Variants in PTPRG observed in about 807,000 individuals in gnomAD.
PTPRG encodes the protein protein tyrosine phosphatase receptor type G, also known as receptor-type tyrosine-protein phosphatase gamma.
PTPRG carries 102 observed loss-of-function variants against 165.3 expected under a neutral mutation model. That is an observed-to-expected ratio of 0.62 (90% CI 0.53 to 0.73). PTPRG has a LOEUF of 0.73. Among genes scored for constraint, PTPRG ranks in the 30% least tolerant of loss-of-function variants. PTPRG has a pLI of 0.00. For missense variants in PTPRG, 1,866 were observed against 1,861.4 expected (o/e 1.00, Z -0.05); for synonymous variants, 675 against 669.5 (o/e 1.01, Z -0.13).
intron 1 of PTPRG, among the ~76,000 whole-genome samples, chr3:61,704,884 C>T (rs914886104): frequency 8.5e-5 from 13 of 152,206 alleles, no homozygotes; most frequent in African/African-American, 2.9e-4. Flanking sequence ...TTCTGCCTGG[C>T]CCCCGCCCCT....
rs1402173985 is a variant in PTPRG, at chr3:62,210,434, A to G, written c.2155+6484A>G. Among the ~76,000 whole-genome samples the G allele has an allele frequency of 6.6e-6, 1 of 152,194 alleles. No individual in the cohort carries two copies. The highest frequency in any genetic ancestry group is 1.5e-5 in the Non-Finnish European group (1 of 68,038). On this transcript the variant is annotated intron_variant, in intron 12 of 29. Coordinates refer to ENST00000474889, the MANE Select transcript of PTPRG (RefSeq NM_002841.4). This position sits in a 1 kb window ranked among gnomAD's most constrained non-coding sequence, Gnocchi z 4.1. The stretch of plus-strand genomic sequence containing the variant: ...AAATATAGAAAATAAATGTTGGCAG[A>G]AATGTGGAAAGAAGGGAACCCTTTG...
chr3:61,904,682 T>C (rs2038596078), intron 2 of PTPRG, among the ~76,000 whole-genome samples: 1 of 152,190 alleles, frequency 6.6e-6, no homozygotes, highest in Non-Finnish European at 1.5e-5. Flanking sequence ...TAATGTAGTC[T>C]TTCTAAAATG....
chr3:62,150,174 C>T lies in PTPRG; in HGVS notation c.683-6893C>T, dbSNP rs116409448. Among the ~76,000 whole-genome samples the T allele has an allele frequency of 5.5e-3, 837 of 152,330 alleles. 5 individuals carry two copies. Among genetic ancestry groups the T allele is most frequent in the African/African-American group, 0.019 (795 of 41,584 alleles). On this transcript the variant is annotated intron_variant, in intron 6 of 29. Transcript: ENST00000474889. ...ACTAAGTTTGCTAACAGCTGCAGAA[C>T]ATTTGGTCCCAAAGCAGCCGTGAAT...
chr3:61,907,201 A>G (rs772711473), intron 2 of PTPRG, among the ~76,000 whole-genome samples: 2 of 151,870 alleles, frequency 1.3e-5, no homozygotes, highest in African/African-American at 4.8e-5. Flanking sequence ...TATGATAACT[A>G]CTGGCCTGGT....
intron 2 of PTPRG, among the ~76,000 whole-genome samples, chr3:61,840,395 T>C (rs1347254700): frequency 6.6e-6 from 1 of 152,204 alleles, no homozygotes. Flanking sequence ...AAGTAAATGC[T>C]TTATATGTTG....
intron 5 of PTPRG, 95 bp from the exon 6 acceptor site, chr3:62,132,507 A>T: frequency 2.0e-6 from 2 of 1,000,772 alleles, no homozygotes; most frequent in Non-Finnish European, 3.2e-6. Context: ...GCTAGATAAC[A>T]TTCTATTCTC....
chr3:61,983,459 A>C (rs550175348), intron 2 of PTPRG, among the ~76,000 whole-genome samples: 1 of 152,266 alleles, frequency 6.6e-6, no homozygotes, highest in Non-Finnish European at 1.5e-5. Context: ...TAATAAGCAT[A>C]TTTGACTAGA....
chr3:62,154,401 CTCTGAAGCCCTGGTGT>C (rs1378319302), intron 6 of PTPRG, among the ~76,000 whole-genome samples: 2 of 152,306 alleles, frequency 1.3e-5, no homozygotes, highest in East Asian at 3.9e-4. Flanking sequence ...CAGAGCTTGC[CTCTGAAGCCCTGGTGT>C]TGGTCAAGAA....
chr3:61,605,189 G>A (rs1331679070), intron 1 of PTPRG, among the ~76,000 whole-genome samples: 1 of 152,146 alleles, frequency 6.6e-6, no homozygotes, highest in Non-Finnish European at 1.5e-5. Context: ...GAACCCTAAC[G>A]ATGTGCTGAG....
At chr3:62,017,029 C>T (rs1575892337) in intron 4 of PTPRG, among the ~76,000 whole-genome samples, 1 of 152,150 alleles carries the variant, frequency 6.6e-6, no homozygotes, top group Non-Finnish European at 1.5e-5. Flanking sequence ...CCCTCCCCCT[C>T]CCTCACCCCC....
intron 1 of PTPRG, among the ~76,000 whole-genome samples, chr3:61,745,485 C>T (rs60489463): frequency 1.2e-3 from 186 of 152,302 alleles, no homozygotes; most frequent in African/African-American, 4.3e-3. Flanking sequence ...GCAGCATGTA[C>T]TTTAGAAGCC....
intron 2 of PTPRG, among the ~76,000 whole-genome samples, chr3:61,821,420 C>T (rs867422416): frequency 6.6e-6 from 1 of 152,204 alleles, no homozygotes; most frequent in Non-Finnish European, 1.5e-5. Context: ...CCACCCGCCT[C>T]GGCCTCCCAA....
At chr3:61,777,437 T>G (rs1222918458) in intron 2 of PTPRG, among the ~76,000 whole-genome samples, 1 of 152,220 alleles carries the variant, frequency 6.6e-6, no homozygotes, top group Non-Finnish European at 1.5e-5. Flanking sequence ...GCAATCTTTA[T>G]TAAGCACCTA....
At chr3:61,774,259 T>A (rs994804132) in intron 2 of PTPRG, among the ~76,000 whole-genome samples, 7 of 152,160 alleles carry the variant, frequency 4.6e-5, no homozygotes, top group Non-Finnish European at 1.0e-4. Flanking sequence ...TGGGAGACAT[T>A]CATGCTACTC....
intron 2 of PTPRG, among the ~76,000 whole-genome samples, chr3:61,982,683 C>A (rs932792821): frequency 1.3e-5 from 2 of 152,090 alleles, no homozygotes; most frequent in African/African-American, 4.8e-5. Context: ...CTTTTTAATA[C>A]CCTCCTTTTC....
At chr3:61,594,919 T>C (rs6789638) in intron 1 of PTPRG, among the ~76,000 whole-genome samples, 149,609 of 152,320 alleles carry the variant, frequency 0.98, 73,536 homozygotes, top group South Asian at 1. Context: ...AGTCTGAAAT[T>C]GACAGGGAAT....
At chr3:61,745,166 T>C (rs1479325109) in intron 1 of PTPRG, among the ~76,000 whole-genome samples, 1 of 150,538 alleles carries the variant, frequency 6.6e-6, no homozygotes, top group Admixed American at 6.7e-5. Flanking sequence ...TTCTCCTGCC[T>C]CAGCCTCCCG....
At chr3:61,761,051 C>T (rs372914919) in intron 2 of PTPRG, among the ~76,000 whole-genome samples, 7 of 152,196 alleles carry the variant, frequency 4.6e-5, no homozygotes, top group South Asian at 2.1e-4. Context: ...CACAGTGCTG[C>T]GATGAACATA....
intron 2 of PTPRG, among the ~76,000 whole-genome samples, chr3:61,880,557 G>C (rs189355136): frequency 9.7e-4 from 142 of 146,414 alleles, no homozygotes; most frequent in African/African-American, 3.4e-3. Context: ...TTGGAAAGTC[G>C]AAGCTGCAGT....
Sources: allele counts gnomAD v4.1 joint callset (sites outside exome capture counted in the v4.1 genomes callset), GRCh38; gene constraint gnomAD v4.1.1; non-coding constraint Gnocchi (gnomAD v3.1); transcripts MANE v1.5; gene names NCBI Gene and HGNC (gene_info 2026-07-23, HGNC 2026-07-21).